ST6GAL2: variants seen among roughly 807,000 people sequenced by gnomAD.
ST6GAL2 encodes ST6 beta-galactoside alpha-2,6-sialyltransferase 2.
In ST6GAL2, 24 loss-of-function variants were observed where a neutral mutation model predicts 37.5. The ratio of observed to expected loss-of-function variants is 0.64; its 90% CI spans 0.46 to 0.90. ST6GAL2 has a LOEUF of 0.90. Ranked by LOEUF, ST6GAL2 falls within the 40% of genes least tolerant of loss-of-function variation. ST6GAL2 has a pLI of 0.00. For missense variants in ST6GAL2, 715 were observed against 712.7 expected, an observed-to-expected ratio of 1.00 and a Z score of -0.04; for synonymous variants, 306 against 295.1, an observed-to-expected ratio of 1.04 and a Z score of -0.38.
chr2:106,857,688 T>A (rs556757480), intron 1 of ST6GAL2, among the ~76,000 whole-genome samples: 1 of 152,236 alleles, frequency 6.6e-6, no homozygotes, highest in South Asian at 2.1e-4. Context: ...ACTTGAATAT[T>A]TAATACAAAA....
chr2:106,884,928 T>TACAC (rs1185755842), intron 1 of ST6GAL2, among the ~76,000 whole-genome samples: 4 of 123,756 alleles, frequency 3.2e-5, no homozygotes, highest in Admixed American at 2.3e-4. Context: ...TATATATATA[T>TACAC]ATATATACAT....
At chr2:106,862,073 A>T (rs565925124) in intron 1 of ST6GAL2, among the ~76,000 whole-genome samples, 3 of 152,350 alleles carry the variant, frequency 2.0e-5, no homozygotes, top group African/African-American at 7.2e-5. Context: ...AGCACTAATC[A>T]ATCATTTATT....
intron 1 of ST6GAL2, among the ~76,000 whole-genome samples, chr2:106,876,756 T>C (rs1678518085): frequency 6.6e-6 from 1 of 152,158 alleles, no homozygotes; most frequent in South Asian, 2.1e-4. Context: ...ATTTAATAAT[T>C]AATTTTTTCA....
intron 5 of ST6GAL2, chr2:106,813,206 C>A: frequency 2.2e-6 from 3 of 1,364,766 alleles, no homozygotes; most frequent in Non-Finnish European, 2.8e-6. Flanking sequence ...TCTGATATGG[C>A]CAATTTTTAC....
intron 5 of ST6GAL2, among the ~76,000 whole-genome samples, chr2:106,809,525 T>G (rs888625948): frequency 6.6e-6 from 1 of 152,198 alleles, no homozygotes; most frequent in Non-Finnish European, 1.5e-5. Context: ...ATCTTATACT[T>G]AGGGGAGTAT....
At chr2:106,867,207 C>G (rs1439317903) in intron 1 of ST6GAL2, among the ~76,000 whole-genome samples, 1 of 152,132 alleles carries the variant, frequency 6.6e-6, no homozygotes, top group East Asian at 1.9e-4. Flanking sequence ...CCCTGGCTGT[C>G]ACACAACGTG....
rs556584058 is a variant in ST6GAL2 at position 106,860,815 on chromosome 2, C to T, written c.-57-16781G>A. On this transcript the variant is annotated intron_variant, in intron 1 of 5. Coordinates refer to ENST00000409382, the MANE Select transcript of ST6GAL2 (RefSeq NM_001142351.2). The stretch of plus-strand genomic sequence containing the variant: ...GGCCTTCCCTCACAAATGGTTTTGG[C>T]TAAAACTCAACCATATACAATGGAT... Among the ~76,000 whole-genome samples, 51 of 152,272 alleles carry T rather than the reference C, an allele frequency of 3.3e-4. 1 individual carries two copies. Among genetic ancestry groups the T allele is most frequent in the Admixed American group, 7.8e-4 (12 of 15,296 alleles).
intron 5 of ST6GAL2, among the ~76,000 whole-genome samples, chr2:106,807,712 C>A (rs986060305): frequency 2.6e-5 from 4 of 151,666 alleles, no homozygotes; most frequent in African/African-American, 9.7e-5. Context: ...CAAGCTCCCC[C>A]TTCCCCGATT....
At chr2:106,877,376 T>C (rs1558733059) in intron 1 of ST6GAL2, among the ~76,000 whole-genome samples, 1 of 152,210 alleles carries the variant, frequency 6.6e-6, no homozygotes, top group African/African-American at 2.4e-5. Flanking sequence ...ATATTACATA[T>C]ACATGTATAT....
chr2:106,836,573 T>TTA (rs929786086), intron 2 of ST6GAL2, among the ~76,000 whole-genome samples: 45 of 150,588 alleles, frequency 3.0e-4, no homozygotes, highest in Admixed American at 1.1e-3. Flanking sequence ...TATACATAAG[T>TTA]TATATATATA....
At chr2:106,850,930 A>G (rs907034504) in intron 1 of ST6GAL2, among the ~76,000 whole-genome samples, 1 of 152,332 alleles carries the variant, frequency 6.6e-6, no homozygotes, top group Non-Finnish European at 1.5e-5. Context: ...CAGGCAAATC[A>G]TCTGTCCCCA....
intron 5 of ST6GAL2, chr2:106,813,332 G>T: frequency 4.5e-6 from 3 of 670,570 alleles, no homozygotes; most frequent in Non-Finnish European, 4.2e-6. Context: ...ATCATATAAC[G>T]CAAGATAATT....
intron 1 of ST6GAL2, among the ~76,000 whole-genome samples, chr2:106,855,951 T>A (rs1677556656): frequency 1.3e-5 from 2 of 152,310 alleles, no homozygotes; most frequent in Admixed American, 1.3e-4. Flanking sequence ...AATGCTATAA[T>A]GCTTTATGAA....
intron 5 of ST6GAL2, among the ~76,000 whole-genome samples, chr2:106,810,341 A>G (rs1283629730): frequency 6.6e-6 from 1 of 152,170 alleles, no homozygotes; most frequent in East Asian, 1.9e-4. Flanking sequence ...AAATAGAGGG[A>G]TTTGTCAGTT....
chr2:106,835,013 C>G (rs1676579029), intron 2 of ST6GAL2: 1 of 152,358 alleles, frequency 6.6e-6, no homozygotes, highest in Middle Eastern at 3.4e-3. Context: ...AGGAGGTGAA[C>G]AGTGGGAGGC....
intron 5 of ST6GAL2, among the ~76,000 whole-genome samples, chr2:106,815,329 T>C (rs1675760335): frequency 1.3e-5 from 2 of 152,206 alleles, no homozygotes. Context: ...ATATAGTCAC[T>C]TACTGCACAT....
chr2:106,884,934 T>TATATATATACACAC lies in ST6GAL2; in HGVS notation c.-58+1158_-58+1159insGTGTGTATATATAT, dbSNP rs1425070594. 1.1e-3 allele frequency among the ~76,000 whole-genome samples: 131 copies of TATATATATACACAC among 120,454 alleles called. 2 individuals carry two copies. The highest frequency in any genetic ancestry group is 4.3e-3 in the African/African-American group (121 of 28,156). The allele number at this position is 120,454 out of a possible 152,430, so 79.0% of individuals were successfully genotyped here. Reference sequence around the variant, plus strand: ...ATATATATATATATATATATATATATACATACACACACACACATATATACA... The same window carrying TATATATATACACAC: ...ATATATATATATATATATATATATATATATATATACACACACATACACACACACACATATATACA... On this transcript the variant is annotated intron_variant, in intron 1 of 5. Coordinates refer to ENST00000409382, the MANE Select transcript of ST6GAL2 (RefSeq NM_001142351.2).
intron 5 of ST6GAL2, among the ~76,000 whole-genome samples, chr2:106,820,933 A>T (rs1573217542): frequency 6.6e-6 from 1 of 152,208 alleles, no homozygotes; most frequent in East Asian, 1.9e-4. Context: ...AAAAAAATTT[A>T]AAAGTTCCTT....
intron 2 of ST6GAL2, among the ~76,000 whole-genome samples, chr2:106,842,554 G>A (rs1025438402): frequency 1.3e-5 from 2 of 152,174 alleles, no homozygotes; most frequent in Admixed American, 1.3e-4. Context: ...TGGAGCTGAC[G>A]CCCTGATTGG....
Sources: gnomAD v4.1 joint callset for allele counts (sites outside exome capture counted in the v4.1 genomes callset) on GRCh38, gnomAD v4.1.1 for gene constraint, MANE v1.5 for transcripts, NCBI Gene and HGNC (gene_info 2026-07-23, HGNC 2026-07-21) for gene names.